KCNQ5: variants seen among roughly 807,000 people sequenced by gnomAD.
The protein encoded by KCNQ5 is potassium voltage-gated channel subfamily KQT member 5.
Under a neutral mutation model 98.2 loss-of-function variants are expected in KCNQ5, and 30 were observed. That is an observed-to-expected ratio of 0.31 (90% CI 0.23 to 0.41). The LOEUF (loss-of-function observed/expected upper bound fraction) is 0.41, where lower values mean the gene tolerates loss of function less well. KCNQ5 is among the 10% of genes least tolerant of loss of function. The probability of loss-of-function intolerance (pLI) is 1.00; values close to 1 mark genes in which losing one functional copy is unlikely to be tolerated. For missense variants in KCNQ5, 835 were observed against 1,182.5 expected (o/e 0.71, Z 4.31); for synonymous variants, 458 against 449.4 (o/e 1.02, Z -0.24).
intron 1 of KCNQ5, among the ~76,000 whole-genome samples, chr6:72,926,914 A>G (rs771580193): frequency 6.6e-6 from 1 of 152,168 alleles, no homozygotes; most frequent in Non-Finnish European, 1.5e-5. Context: ...TTTCTCAGAA[A>G]GGTGTCTCAG....
intron 11 of KCNQ5, among the ~76,000 whole-genome samples, chr6:73,184,953 A>T (rs1294147552): frequency 6.6e-6 from 1 of 152,196 alleles, no homozygotes; most frequent in Non-Finnish European, 1.5e-5. Flanking sequence ...AAGTCTCCAC[A>T]GTAGAGCTTC....
intron 1 of KCNQ5, among the ~76,000 whole-genome samples, chr6:72,638,854 G>A (rs934334781): frequency 6.6e-6 from 1 of 152,200 alleles, no homozygotes; most frequent in Admixed American, 6.5e-5. Flanking sequence ...GACCTGGACT[G>A]CAGTGTCAGC....
At chr6:72,748,648 T>G (rs1771524953) in intron 1 of KCNQ5, among the ~76,000 whole-genome samples, 1 of 152,158 alleles carries the variant, frequency 6.6e-6, no homozygotes, top group Admixed American at 6.6e-5. Context: ...AAAAATGCGT[T>G]TAATAACTAC....
intron 5 of KCNQ5, among the ~76,000 whole-genome samples, chr6:73,083,797 G>T (rs539431144): frequency 6.6e-6 from 1 of 152,052 alleles, no homozygotes; most frequent in East Asian, 1.9e-4. Flanking sequence ...GAATAACAAG[G>T]CTGTCTCATA....
intron 1 of KCNQ5, among the ~76,000 whole-genome samples, chr6:72,957,822 G>A (rs1366111208): frequency 2.6e-5 from 4 of 152,142 alleles, no homozygotes; most frequent in Non-Finnish European, 5.9e-5. Flanking sequence ...TGAGAAAAAG[G>A]TGGGTAGCTT....
intron 2 of KCNQ5, among the ~76,000 whole-genome samples, chr6:73,036,145 G>A (rs1012442415): frequency 1.3e-5 from 2 of 151,824 alleles, no homozygotes; most frequent in Non-Finnish European, 2.9e-5. Context: ...CCAGCACTTT[G>A]GGAGGCCGAG....
At chr6:72,767,159 A>T (rs1164994450) in intron 1 of KCNQ5, among the ~76,000 whole-genome samples, 1 of 151,994 alleles carries the variant, frequency 6.6e-6, no homozygotes, top group African/African-American at 2.4e-5. Flanking sequence ...AGGAATGAAG[A>T]GTTGTCTTTT....
chr6:72,682,473 A>T (rs1348299642), intron 1 of KCNQ5, among the ~76,000 whole-genome samples: 1 of 151,834 alleles, frequency 6.6e-6, no homozygotes, highest in African/African-American at 2.4e-5. Context: ...CCCCACACTT[A>T]TGTCTTCCTT....
rs542427125 is a variant in KCNQ5, at chr6:72,893,365, G to A, written c.399-110543G>A. 1.2e-3 allele frequency among the ~76,000 whole-genome samples: 184 copies of A among 152,144 alleles called. 1 individual carries two copies. Among genetic ancestry groups the A allele is most frequent in the African/African-American group, 4.3e-3 (178 of 41,510 alleles). The stretch of plus-strand genomic sequence containing the variant: ...AAAAAGAGGAGCGCAGAATGTTTCT[G>A]CCAGTTTGTAAGTGTGTGACAATGG... On this transcript the variant is annotated intron_variant, in intron 1 of 13. Transcript: ENST00000370398.
At chr6:72,658,765 A>G (rs1395665060) in intron 1 of KCNQ5, among the ~76,000 whole-genome samples, 3 of 151,542 alleles carry the variant, frequency 2.0e-5, no homozygotes, top group Non-Finnish European at 4.4e-5. Context: ...TTTTTCGTAG[A>G]GACGGGGTTT....
intron 1 of KCNQ5, among the ~76,000 whole-genome samples, chr6:72,997,782 CAAAAAAAAAAA>C (rs70994154): frequency 2.3e-4 from 14 of 62,064 alleles, no homozygotes; most frequent in African/African-American, 3.2e-4. Context: ...GACTCTGTCT[CAAAAAAAAAAA>C]AAAAAAAAAA....
At chr6:72,698,011 T>A (rs1256096112) in intron 1 of KCNQ5, among the ~76,000 whole-genome samples, 1 of 152,116 alleles carries the variant, frequency 6.6e-6, no homozygotes. Flanking sequence ...AGTCCACTAG[T>A]TCAATACCAG....
chr6:72,795,097 A>G (rs1329292911), intron 1 of KCNQ5, among the ~76,000 whole-genome samples: 2 of 152,240 alleles, frequency 1.3e-5, no homozygotes, highest in Non-Finnish European at 2.9e-5. Context: ...GTTGGTGGAC[A>G]GAAGCATAAT....
chr6:72,985,546 C>T (rs1768728073), intron 1 of KCNQ5, among the ~76,000 whole-genome samples: 1 of 152,150 alleles, frequency 6.6e-6, no homozygotes, highest in African/African-American at 2.4e-5. Flanking sequence ...CTAACCTCTT[C>T]CTAATTTTCC....
rs1772100139 is a variant in KCNQ5 at position 72,758,703 on chromosome 6, T to C, written c.398+136116T>C. Among the ~76,000 whole-genome samples, 4 of 152,198 alleles carry C rather than the reference T, an allele frequency of 2.6e-5. 1 individual carries two copies. Among genetic ancestry groups the C allele is most frequent in the South Asian group, 2.1e-4 (1 of 4,826 alleles). ...TTTACAGCAATTGTAATATATTTAT[T>C]CAGTGCCTATAATCATCTTTGAATA... On this transcript the variant is annotated intron_variant, in intron 1 of 13. Transcript: ENST00000370398.
rs192549050 is a variant in KCNQ5, at chr6:72,732,385, T to C, written c.398+109798T>C. Among the ~76,000 whole-genome samples, 60 of 151,734 alleles carry C rather than the reference T, an allele frequency of 4.0e-4. No individual in the cohort carries two copies. The East Asian group carries it at 0.011, about 28-fold the overall frequency. Reference sequence around the variant, plus strand: ...TTGCAGGGGAGGGTGTGGATGTATATGAGGGAAGGGGAGGAGGTGGTGGGA... The same window carrying C: ...TTGCAGGGGAGGGTGTGGATGTATACGAGGGAAGGGGAGGAGGTGGTGGGA... On this transcript the variant is annotated intron_variant, in intron 1 of 13. Coordinates refer to ENST00000370398, the MANE Select transcript of KCNQ5 (RefSeq NM_019842.4).
intron 1 of KCNQ5, among the ~76,000 whole-genome samples, chr6:72,757,873 A>G (rs1341423834): frequency 6.6e-6 from 1 of 152,162 alleles, no homozygotes; most frequent in East Asian, 1.9e-4. Flanking sequence ...GTTACAAAAC[A>G]TATCAATGAG....
At chr6:72,802,138 G>A (rs1363043510) in intron 1 of KCNQ5, among the ~76,000 whole-genome samples, 1 of 151,856 alleles carries the variant, frequency 6.6e-6, no homozygotes, top group South Asian at 2.1e-4. Flanking sequence ...TATCTTTGTG[G>A]CGTTCTCTGT....
chr6:73,160,179 GT>G lies in KCNQ5; in HGVS notation c.1469-9557del, dbSNP rs543691292. The stretch of plus-strand genomic sequence containing the variant: ...CAGGCACCCACCACGACGCCCGGCT[GT>G]TTTTTTTTTGTATTTTTAGTAGAGA... On this transcript the variant is annotated intron_variant, in intron 10 of 13. Transcript: ENST00000370398. Among the ~76,000 whole-genome samples the G allele has an allele frequency of 4.4e-3, 652 of 147,874 alleles. 3 individuals are homozygous for G. Among genetic ancestry groups the G allele is most frequent in the African/African-American group, 0.014 (574 of 40,458 alleles).
Sources: allele counts gnomAD v4.1 joint callset (sites outside exome capture counted in the v4.1 genomes callset), GRCh38; gene constraint gnomAD v4.1.1; transcripts MANE v1.5; gene names NCBI Gene and HGNC (gene_info 2026-07-23, HGNC 2026-07-21).